The following SEMA3E variants were observed in gnomAD, a reference collection of about 807,000 sequenced individuals.
SEMA3E encodes semaphorin-3E.
A neutral mutation model predicts 93.6 loss-of-function variants in SEMA3E; 49 were observed. That is an observed-to-expected ratio of 0.52 (90% confidence interval 0.42 to 0.66). The LOEUF (loss-of-function observed/expected upper bound fraction) is 0.66. SEMA3E is among the 30% of genes least tolerant of loss of function. The pLI is 0.00. For missense variants in SEMA3E, 906 were observed against 964.8 expected (o/e 0.94, Z 0.81); for synonymous variants, 363 against 330.7 (o/e 1.10, Z -1.06).
intron 1 of SEMA3E, among the ~76,000 whole-genome samples, chr7:83,632,640 G>T (rs116592130): frequency 0.011 from 1,616 of 152,150 alleles, 29 homozygotes; most frequent in African/African-American, 0.037. Flanking sequence ...AACCTCTTTC[G>T]TAAATTGCCC....
At chr7:83,645,810 T>C (rs1276216861) in intron 1 of SEMA3E, among the ~76,000 whole-genome samples, 1 of 151,884 alleles carries the variant, frequency 6.6e-6, no homozygotes, top group Admixed American at 6.6e-5. Flanking sequence ...TAAGAACATG[T>C]CATTCCCAGA....
chr7:83,490,126 G>T lies in SEMA3E; in HGVS notation c.264C>A (p.Asp88Glu), dbSNP rs142305186. ...GATATTTCTATACCTCTTTATAGCCGTCACTGATTCTCTCCAAGCTGAGGG... is the reference window on the plus strand; with the variant it reads ...GATATTTCTATACCTCTTTATAGCCTTCACTGATTCTCTCCAAGCTGAGGG... ...VYSLSLERIS[D>E]GYKEIHWPST... Residue 88 changes from aspartate (D) to glutamate (E), a missense_variant, in exon 2 of 17, where the codon GAC becomes GAA. Physicochemically the swap from Asp to Glu is conservative, Grantham distance 45. Transcript: ENST00000643230. 3 of 1,612,192 alleles carry T rather than the reference G, an allele frequency of 1.9e-6. No homozygotes were observed. The highest frequency in any genetic ancestry group is 2.5e-6 in the Non-Finnish European group (3 of 1,179,218).
At chr7:83,641,376 T>C (rs943048360) in intron 1 of SEMA3E, 1 of 985,330 alleles carries the variant, frequency 1.0e-6, no homozygotes, top group Admixed American at 6.1e-5. Context: ...TCTTTCACTT[T>C]CCAAGTAAAC....
In SEMA3E at chr7:83,639,882, C is replaced by T. The variant is rs1307508059; in HGVS notation, c.115+8546G>A. 5.3e-5 allele frequency among the ~76,000 whole-genome samples: 8 copies of T among 151,728 alleles called. No individual in the cohort carries two copies. In the East Asian group the frequency reaches 1.4e-3, roughly 26 times the overall value. On this transcript the variant is annotated intron_variant, in intron 1 of 16. Coordinates refer to ENST00000643230, the MANE Select transcript of SEMA3E (RefSeq NM_012431.3). ...TGTTTTGGAGAAACACTTCTGAAGCCTGGTAAGGAGAAGAAAGGAGCCCTA... is the reference window on the plus strand; with the variant it reads ...TGTTTTGGAGAAACACTTCTGAAGCTTGGTAAGGAGAAGAAAGGAGCCCTA...
rs1470676607 is a variant in SEMA3E, at chr7:83,469,261, T to G, written c.318A>C (p.Ile106=). 1 of 1,611,086 alleles carries G rather than the reference T, an allele frequency of 6.2e-7. No individual in the cohort carries two copies. The highest frequency in any genetic ancestry group is 1.1e-5 in the South Asian group (1 of 91,030). The change falls in exon 3 of 17, where the codon ATA becomes ATC. Residue 106 remains isoleucine, a synonymous_variant. Transcript: ENST00000643230. ...TACTTACCGCATCTTTTCCCTTCAT[T>G]ATGCATTCTTCCATTTTTAGAGCTG... The part of the protein sequence containing the change: ...PSTALKMEEC[I]MKGKDAGECA...
intron 4 of SEMA3E, among the ~76,000 whole-genome samples, chr7:83,422,250 G>T (rs1305172925): frequency 6.6e-6 from 1 of 152,130 alleles, no homozygotes; most frequent in African/African-American, 2.4e-5. Context: ...ACCCAAAGGT[G>T]TGGCTAAACT....
At chr7:83,397,056 G>C (rs1788137099) in intron 11 of SEMA3E, among the ~76,000 whole-genome samples, 1 of 148,988 alleles carries the variant, frequency 6.7e-6, no homozygotes. Context: ...ACTACAGCCT[G>C]GGGGACAGAG....
chr7:83,635,607 T>C (rs1364272733), intron 1 of SEMA3E, among the ~76,000 whole-genome samples: 3 of 151,882 alleles, frequency 2.0e-5, no homozygotes, highest in Admixed American at 6.6e-5. Flanking sequence ...AAATATATTA[T>C]CAATTGATTT....
chr7:83,508,027 T>C (rs1790739776), intron 1 of SEMA3E, among the ~76,000 whole-genome samples: 1 of 152,044 alleles, frequency 6.6e-6, no homozygotes, highest in South Asian at 2.1e-4. Flanking sequence ...AAAAATAATA[T>C]AAATTAACAG....
At chr7:83,617,014 C>A (rs956462748) in intron 1 of SEMA3E, among the ~76,000 whole-genome samples, 1 of 152,036 alleles carries the variant, frequency 6.6e-6, no homozygotes, top group Non-Finnish European at 1.5e-5. Flanking sequence ...CGTAAGCCAC[C>A]GTGCTTAAAT....
intron 4 of SEMA3E, 125 bp from the exon 5 acceptor site, chr7:83,418,608 C>A: frequency 1.3e-6 from 1 of 743,456 alleles, no homozygotes; most frequent in Non-Finnish European, 2.4e-6. Flanking sequence ...GCACCAGTAG[C>A]ATCAATTTAT....
At chr7:83,458,835 A>G (rs1789547317) in intron 4 of SEMA3E, among the ~76,000 whole-genome samples, 1 of 148,538 alleles carries the variant, frequency 6.7e-6, no homozygotes, top group Non-Finnish European at 1.5e-5. Flanking sequence ...TCTAATAAAT[A>G]TATATATTTT....
chr7:83,364,259 G>C lies in SEMA3E; in HGVS notation c.*3327C>G. On this transcript the variant is annotated 3_prime_UTR_variant, in exon 17 of 17. Coordinates refer to ENST00000643230, the MANE Select transcript of SEMA3E (RefSeq NM_012431.3). ...CATGCTTAACACCAACACTCAAAAT[G>C]ACTTATAGTATTTTACAAATTTTAC... The C allele has an allele frequency of 6.6e-6, 1 of 152,072 alleles. No homozygotes were observed. Among genetic ancestry groups the C allele is most frequent in the Non-Finnish European group, 1.5e-5 (1 of 68,014 alleles). 9.4% of individuals were successfully genotyped at this position (152,072 alleles called of 1,614,324 possible).
intron 1 of SEMA3E, 51 bp downstream of exon 1, chr7:83,648,377 C>CTTTTTTTT: frequency 7.7e-7 from 1 of 1,297,324 alleles, no homozygotes; most frequent in East Asian, 2.4e-5. Context: ...TTTCTTTTTT[C>CTTTTTTTT]TTTTTCTTTT....
chr7:83,383,576 A>G (rs1787822732), intron 16 of SEMA3E, among the ~76,000 whole-genome samples: 1 of 152,036 alleles, frequency 6.6e-6, no homozygotes, highest in Admixed American at 6.6e-5. Context: ...TGATGCAAAG[A>G]GTAAATTCAA....
intron 1 of SEMA3E, among the ~76,000 whole-genome samples, chr7:83,628,004 C>T (rs1287077720): frequency 1.3e-5 from 2 of 152,108 alleles, no homozygotes; most frequent in African/African-American, 4.8e-5. Context: ...TCTTGTAAGG[C>T]AGGCCTGGTA....
At chr7:83,397,101 G>A (rs1337724961) in intron 11 of SEMA3E, among the ~76,000 whole-genome samples, 2 of 150,472 alleles carry the variant, frequency 1.3e-5, no homozygotes, top group South Asian at 2.1e-4. Context: ...AAAAAGTAGC[G>A]ACTATAAATT....
chr7:83,508,497 G>A (rs1019985764), intron 1 of SEMA3E, among the ~76,000 whole-genome samples: 1 of 151,952 alleles, frequency 6.6e-6, no homozygotes, highest in Non-Finnish European at 1.5e-5. Context: ...CCCAACCTCA[G>A]GTGATCTGCC....
At chr7:83,623,442 T>C (rs541177892) in intron 1 of SEMA3E, among the ~76,000 whole-genome samples, 54 of 152,120 alleles carry the variant, frequency 3.5e-4, no homozygotes, top group Non-Finnish European at 4.6e-4. Flanking sequence ...TGTTCAAATA[T>C]ATTGCTACAT....
Sources: gnomAD v4.1 joint callset for allele counts (sites outside exome capture counted in the v4.1 genomes callset) on GRCh38, gnomAD v4.1.1 for gene constraint, MANE v1.5 for transcripts, NCBI Gene and HGNC (gene_info 2026-07-23, HGNC 2026-07-21) for gene names.